The following GGA2 variants were observed in gnomAD, a reference collection of about 807,000 sequenced individuals.
GGA2 encodes the protein golgi associated, gamma adaptin ear containing, ARF binding protein 2.
Under a neutral mutation model 79.5 loss-of-function variants are expected in GGA2, and 48 were observed. The ratio of observed to expected loss-of-function variants is 0.60; its 90% CI spans 0.48 to 0.77. The LOEUF (loss-of-function observed/expected upper bound fraction) is 0.77. Ranked by LOEUF, GGA2 falls within the 30% of genes least tolerant of loss-of-function variation. The probability of loss-of-function intolerance (pLI) is 0.00; values close to 1 mark genes in which losing one functional copy is unlikely to be tolerated. For synonymous variants in GGA2, 317 were observed against 302.0 expected (o/e 1.05, Z -0.51); for missense variants, 770 against 774.0 (o/e 0.99, Z 0.06).
At chr16:23,512,915 G>T (rs559023014), upstream of GGA2, among the ~76,000 whole-genome samples, 5 of 152,006 alleles carry the variant, frequency 3.3e-5, no homozygotes, top group Admixed American at 6.6e-5. Context: ...AGGTTGGCCA[G>T]GCTGCTCTCG....
At chr16:23,474,618 AT>A (rs1555499061) in intron 14 of GGA2, among the ~76,000 whole-genome samples, 1 of 151,664 alleles carries the variant, frequency 6.6e-6, no homozygotes, top group Non-Finnish European at 1.5e-5. Context: ...TGGCCTCCCA[AT>A]TTTTTTCTTC....
chr16:23,474,834 G>T, intron 14 of GGA2, 70 bp downstream of exon 14: 2 of 1,173,614 alleles, frequency 1.7e-6, no homozygotes, highest in Non-Finnish European at 2.6e-6. Flanking sequence ...AAACTGGAGT[G>T]GAAAAAGCTG....
At chr16:23,522,050 C>T, upstream of GGA2, 2 of 325,884 alleles carry the variant, frequency 6.1e-6, no homozygotes, top group Non-Finnish European at 1.2e-5. Flanking sequence ...AGATGATGGA[C>T]TAAGGCATTT....
intron 9 of GGA2, among the ~76,000 whole-genome samples, chr16:23,481,632 G>A (rs2142122344): frequency 6.6e-6 from 1 of 152,120 alleles, no homozygotes; most frequent in Middle Eastern, 3.4e-3. Flanking sequence ...AATTAGCCAG[G>A]TGTGGTGGTG....
intron 1 of GGA2, among the ~76,000 whole-genome samples, chr16:23,500,688 G>A (rs1421932978): frequency 6.6e-6 from 1 of 152,246 alleles, no homozygotes; most frequent in Non-Finnish European, 1.5e-5. Flanking sequence ...TGTGGCGGGT[G>A]GAACCGCCCT....
At chr16:23,492,394 T>C (rs1277595921) in intron 4 of GGA2, among the ~76,000 whole-genome samples, 1 of 152,146 alleles carries the variant, frequency 6.6e-6, no homozygotes, top group Non-Finnish European at 1.5e-5. Context: ...AGTTCAACTA[T>C]GTGGCCAATG....
chr16:23,494,208 T>A, intron 3 of GGA2, 95 bp downstream of exon 3: 3 of 842,440 alleles, frequency 3.6e-6, no homozygotes, highest in Non-Finnish European at 6.2e-6. Context: ...ACCTCCCTTC[T>A]CCAGTGAAAA....
At chr16:23,472,403 G>A (rs1008610232) in intron 14 of GGA2, among the ~76,000 whole-genome samples, 2 of 151,378 alleles carry the variant, frequency 1.3e-5, no homozygotes, top group African/African-American at 4.9e-5. Flanking sequence ...TCACCATGTT[G>A]GCCAGGTTGG....
rs879151254 is a variant in GGA2 at position 23,500,861 on chromosome 16, C to T, written c.92-5083G>A. ...GCTTCTGACCATCCAAGGGAAAGTA[C>T]GCTTTTTTTGAGAAAATATCAAATG... On this transcript the variant is annotated intron_variant, in intron 1 of 16. Coordinates refer to ENST00000309859, the MANE Select transcript of GGA2 (RefSeq NM_015044.4). The T allele has an allele frequency of 5.8e-5, 11 of 189,088 alleles. No individual in the cohort carries two copies. The East Asian group carries it at 6.5e-4, about 11-fold the overall frequency. The allele number at this position is 189,088 out of a possible 1,614,324, so 11.7% of individuals were successfully genotyped here. A position where few individuals can be genotyped will look rare whatever the true frequency, so the allele number is the denominator to read the frequency against.
chr16:23,494,959 C>T (rs1397297340), intron 2 of GGA2, among the ~76,000 whole-genome samples: 1 of 152,074 alleles, frequency 6.6e-6, no homozygotes, highest in African/African-American at 2.4e-5. Flanking sequence ...GAGGCACGCG[C>T]CTGTAATCCC....
chr16:23,463,780 G>T lies in GGA2; in HGVS notation c.*3810C>A, dbSNP rs1315516687. The T allele has an allele frequency of 6.6e-6, 1 of 152,186 alleles. No individual in the cohort carries two copies. Among genetic ancestry groups the T allele is most frequent in the Non-Finnish European group, 1.5e-5 (1 of 68,088 alleles). The allele number at this position is 152,186 out of a possible 1,614,324, so 9.4% of individuals were successfully genotyped here. ...GCTTGAGCCCAGGAGACCAGCCTGG[G>T]TAACACAGAGATCCAGTCTTTACGA... is the stretch of plus-strand genomic sequence containing the variant. On this transcript the variant is annotated 3_prime_UTR_variant, in exon 17 of 17. Coordinates refer to ENST00000309859, the MANE Select transcript of GGA2 (RefSeq NM_015044.4).
upstream of GGA2, among the ~76,000 whole-genome samples, chr16:23,513,107 G>A (rs1567373392): frequency 6.6e-6 from 1 of 152,138 alleles, no homozygotes; most frequent in Non-Finnish European, 1.5e-5. Flanking sequence ...CGTGACTAGA[G>A]TCTCCACATG....
At chr16:23,517,248 G>A (rs1273363882) in intron 2 of GGA2, among the ~76,000 whole-genome samples, 1 of 4,362 alleles carries the variant, frequency 2.3e-4, no homozygotes, top group Non-Finnish European at 5.6e-4. Context: ...TTTTTTTTTT[G>A]AGACGGAGTC....
chr16:23,470,083 G>A lies in GGA2; in HGVS notation c.1533C>T (p.His511=). ...LHFSQTGAPG[H]PEVQVLLLTM... ...TCAAGAGCAGCACCTGTACCTCTGG[G>A]TGCCCAGGGGCTCCCGTCTGGGAGA... Residue 511 remains histidine, a synonymous_variant, in exon 15 of 17, where the codon CAC becomes CAT. Transcript: ENST00000309859. 1 of 1,610,146 alleles carries A rather than the reference G, an allele frequency of 6.2e-7. No individual in the cohort carries two copies. The highest frequency in any genetic ancestry group is 8.5e-7 in the Non-Finnish European group (1 of 1,178,246).
intron 16 of GGA2, among the ~76,000 whole-genome samples, chr16:23,468,556 C>A (rs1010446317): frequency 6.6e-5 from 10 of 152,014 alleles, no homozygotes; most frequent in African/African-American, 2.4e-4. Context: ...TCACTGCAAC[C>A]TCCACCTCCT....
chr16:23,486,857 G>C, intron 6 of GGA2, 67 bp from the exon 7 acceptor site: 1 of 907,854 alleles, frequency 1.1e-6, no homozygotes, highest in South Asian at 1.3e-5. Context: ...AGAAGCAGCA[G>C]CAACAGAAGA....
upstream of GGA2, among the ~76,000 whole-genome samples, chr16:23,513,249 T>C (rs918248439): frequency 6.9e-6 from 1 of 143,914 alleles, no homozygotes; most frequent in Non-Finnish European, 1.5e-5. Context: ...TCCCAGAGCA[T>C]GGTGTTTTGG....
At chr16:23,512,700 CTTTTTTTTTTT>C (rs34027000), upstream of GGA2, among the ~76,000 whole-genome samples, 5 of 55,926 alleles carry the variant, frequency 8.9e-5, no homozygotes, top group Non-Finnish European at 1.5e-4. Context: ...TAAAGAAAAT[CTTTTTTTTTTT>C]TTTTTTTTTT....
At position 23,485,997 on chromosome 16, in the gene GGA2, G is replaced by A; in HGVS notation, c.798+18C>T. Reference sequence around the variant, plus strand: ...CTTTAGTAAACATGTGCAGCCCCCTGTGTTACACCTGTATTACCTGCAGGG... The same window carrying A: ...CTTTAGTAAACATGTGCAGCCCCCTATGTTACACCTGTATTACCTGCAGGG... On this transcript the variant is annotated intron_variant, in intron 8 of 16. Transcript: ENST00000309859. 6.2e-7 allele frequency: 1 copy of A among 1,612,214 alleles called. No homozygotes were observed. Among genetic ancestry groups the A allele is most frequent in the Non-Finnish European group, 8.5e-7 (1 of 1,178,890 alleles).
Sources: gnomAD v4.1 joint callset for allele counts (sites outside exome capture counted in the v4.1 genomes callset) on GRCh38, gnomAD v4.1.1 for gene constraint, MANE v1.5 for transcripts, NCBI Gene and HGNC (gene_info 2026-07-23, HGNC 2026-07-21) for gene names.